PKD1L3: variants seen among roughly 807,000 people sequenced by gnomAD.
PKD1L3 encodes the protein polycystin-1-like protein 3.
PKD1L3 carries 239 observed loss-of-function variants against 184.1 expected under a neutral mutation model. The ratio of observed to expected loss-of-function variants is 1.30; its 90% confidence interval spans 1.17 to 1.45. PKD1L3 has a LOEUF of 1.45. PKD1L3 is among the 40% of genes most tolerant of loss of function. The probability of loss-of-function intolerance (pLI) is 0.00; values close to 1 mark genes in which losing one functional copy is unlikely to be tolerated. For synonymous variants in PKD1L3, 996 were observed against 778.8 expected (o/e 1.28, Z -4.64); for missense variants, 2,660 against 2,067.2 (o/e 1.29, Z -5.56).
rs1028428165 is a variant in PKD1L3, at chr16:71,984,156, C to A, written c.846G>T (p.Glu282Asp). The change falls in exon 6 of 30, where the codon GAG becomes GAT. Residue 282 changes from glutamate to aspartate, a missense_variant. Transcript: ENST00000620267. ...LQKASGQVID[E>D]IAGNFSRAVH... is the part of the protein sequence containing the mutation. ...CTGCTCTGCTGAAGTTCCCTGCTAT[C>A]TCATCTATGACCTATTGGGAACAAA... The A allele has an allele frequency of 8.4e-6, 13 of 1,551,348 alleles. No homozygotes were observed. The highest frequency in any genetic ancestry group is 6.8e-5 in the African/African-American group (5 of 73,032).
Position 71,935,791 on chromosome 16 carries a change from C to G in PKD1L3, c.4453-273G>C, listed in dbSNP as rs2038153729. ...AACTGTCACTTAAAAATCAATAATA[C>G]AAAAGTTTCTTTCTTTGAGACAGGG... On this transcript the variant is annotated intron_variant, in intron 25 of 29. Coordinates refer to ENST00000620267, the MANE Select transcript of PKD1L3 (RefSeq NM_181536.2). Among the ~76,000 whole-genome samples, 2 of 152,120 alleles carry G rather than the reference C, an allele frequency of 1.3e-5. 1 individual carries two copies. The highest frequency in any genetic ancestry group is 4.1e-4 in the South Asian group (2 of 4,828).
chr16:71,944,705 GTT>G (rs57890181), intron 22 of PKD1L3, among the ~76,000 whole-genome samples: 1 of 142,702 alleles, frequency 7.0e-6, no homozygotes, highest in Non-Finnish European at 1.5e-5. Context: ...TTTTTTGTTT[GTT>G]TTTTTTTTTT....
Position 71,935,374 on chromosome 16 carries a change from G to A in PKD1L3, c.4597C>T (p.Arg1533Cys), listed in dbSNP as rs184152519. The A allele has an allele frequency of 2.5e-4, 394 of 1,551,556 alleles. 2 individuals are homozygous for A. Among genetic ancestry groups the A allele is most frequent in the South Asian group, 5.4e-4 (45 of 84,006 alleles). Residue 1533 changes from arginine (R) to cysteine (C), a missense_variant, in exon 26 of 30, where the codon CGC becomes TGC. Arg to Cys is a radical substitution (Grantham distance 180). Transcript: ENST00000620267. Reference sequence around the variant, plus strand: ...TCCTCTCACCTGTCCTGGTCATCGCGGTATCGTGCCATGTTTTTCTTATGT... The same window carrying A: ...TCCTCTCACCTGTCCTGGTCATCGCAGTATCGTGCCATGTTTTTCTTATGT... ...SLHKKNMARY[R>C]DDQDRFISFY...
intron 22 of PKD1L3, among the ~76,000 whole-genome samples, chr16:71,944,555 T>C (rs374399476): frequency 6.6e-6 from 1 of 152,130 alleles, no homozygotes; most frequent in Non-Finnish European, 1.5e-5. Flanking sequence ...TAGTGGCTCA[T>C]GCCTGTGGTC....
At chr16:71,933,346 T>G in intron 28 of PKD1L3, 74 bp downstream of exon 28, 1 of 1,162,640 alleles carries the variant, frequency 8.6e-7, no homozygotes, top group Non-Finnish European at 1.3e-6. Context: ...TAGGGGGCTG[T>G]TTTCATAAGG....
At chr16:71,991,870 T>G (rs1012640262) in intron 3 of PKD1L3, among the ~76,000 whole-genome samples, 4 of 152,134 alleles carry the variant, frequency 2.6e-5, no homozygotes, top group Admixed American at 2.6e-4. Context: ...ATGCCTGGAG[T>G]GCGGTATGGC....
At chr16:71,932,037 C>T in intron 28 of PKD1L3, among the ~76,000 whole-genome samples, 1 of 152,146 alleles carries the variant, frequency 6.6e-6, no homozygotes, top group East Asian at 1.9e-4. Flanking sequence ...TGCTACCATG[C>T]CTGACTCTTC....
At chr16:71,961,200 C>T (rs1304251138) in intron 16 of PKD1L3, among the ~76,000 whole-genome samples, 1 of 152,086 alleles carries the variant, frequency 6.6e-6, no homozygotes, top group African/African-American at 2.4e-5. Flanking sequence ...GATCTCAGCT[C>T]ACTGCAGCCT....
intron 19 of PKD1L3, among the ~76,000 whole-genome samples, chr16:71,951,082 C>T (rs2038813272): frequency 6.6e-6 from 1 of 151,500 alleles, no homozygotes; most frequent in Non-Finnish European, 1.5e-5. Flanking sequence ...CTATGTTGCC[C>T]AAGCTGGAGT....
At chr16:71,939,602 A>G (rs1202337758) in intron 24 of PKD1L3, among the ~76,000 whole-genome samples, 1 of 152,208 alleles carries the variant, frequency 6.6e-6, no homozygotes, top group Non-Finnish European at 1.5e-5. Flanking sequence ...GTTAGTAACT[A>G]AAAACCCCAT....
chr16:71,986,918 T>G (rs1443949551), intron 4 of PKD1L3, among the ~76,000 whole-genome samples: 35 of 52,574 alleles, frequency 6.7e-4, no homozygotes, highest in Middle Eastern at 0.011. Context: ...GAGAGGATTT[T>G]TTTTTTTTTT....
chr16:71,996,623 C>A (rs548673515), intron 2 of PKD1L3, among the ~76,000 whole-genome samples: 2 of 152,282 alleles, frequency 1.3e-5, no homozygotes, highest in Admixed American at 6.5e-5. Flanking sequence ...TAGACCCCGA[C>A]AACCACTAAT....
chr16:71,961,738 C>G (rs905063587), intron 16 of PKD1L3, among the ~76,000 whole-genome samples: 1 of 152,164 alleles, frequency 6.6e-6, no homozygotes, highest in Non-Finnish European at 1.5e-5. Context: ...CATGGCCTCA[C>G]TGAATTTCTG....
In PKD1L3 at chr16:71,982,151, C is replaced by T. The variant is rs998489876; in HGVS notation, c.1051G>A (p.Val351Ile). The T allele has an allele frequency of 1.9e-6, 3 of 1,551,702 alleles. No individual in the cohort carries two copies. Among genetic ancestry groups the T allele is most frequent in the African/African-American group, 2.7e-5 (2 of 73,096 alleles). Residue 351 changes from valine to isoleucine, a missense_variant, in exon 7 of 30, where the codon GTT becomes ATT. By Grantham distance (29) the Val-to-Ile change is conservative. Coordinates refer to ENST00000620267, the MANE Select transcript of PKD1L3 (RefSeq NM_181536.2). ...TGAAAGGGGCAGACAGTTGGAGGAA[C>T]TTTGAAGCCCAGACTGTTGTTGTTC... ...FQNNNSLGFK[V>I]PPTVCPFHSL...
At chr16:71,968,400 AT>A (rs751732939) in intron 13 of PKD1L3, among the ~76,000 whole-genome samples, 1 of 152,160 alleles carries the variant, frequency 6.6e-6, no homozygotes. Flanking sequence ...TAAAATGCAA[AT>A]TTAACTAGGT....
At position 71,969,868 on chromosome 16, in the gene PKD1L3, T is replaced by A; in HGVS notation, c.2184+7A>T. 1 of 1,540,874 alleles carries A rather than the reference T, an allele frequency of 6.5e-7. No individual in the cohort carries two copies. Among genetic ancestry groups the A allele is most frequent in the Non-Finnish European group, 8.8e-7 (1 of 1,138,446 alleles). ...TGGCAAATCTGTTGAAATCAAAGTC[T>A]CATTACCTTCTGCATATCTGCTTGA... On this transcript the variant is annotated splice_region_variant and intron_variant, in intron 13 of 29. Coordinates refer to ENST00000620267, the MANE Select transcript of PKD1L3 (RefSeq NM_181536.2).
At position 71,980,028 on chromosome 16, in the gene PKD1L3, T is replaced by C. The variant is rs557582660; in HGVS notation, c.1250A>G (p.Asn417Ser). ...TAACCTGCTCAGCAGCAGAGTAGCA[T>C]TGGCAGAGGTCAAAGTCACTGAAGA... Reference protein sequence around the residue: ...PESSVTLTSANATLLLSRQNI... With the variant: ...PESSVTLTSASATLLLSRQNI... Residue 417 changes from asparagine (N) to serine (S), a missense_variant, in exon 8 of 30, where the codon AAT (asparagine) becomes AGT (serine). Coordinates refer to ENST00000620267, the MANE Select transcript of PKD1L3 (RefSeq NM_181536.2). The C allele has an allele frequency of 8.4e-6, 13 of 1,552,096 alleles. No individual in the cohort carries two copies. The highest frequency in any genetic ancestry group is 1.2e-5 in the South Asian group (1 of 84,058).
At chr16:71,957,552 C>A (rs1013505586) in intron 16 of PKD1L3, among the ~76,000 whole-genome samples, 2 of 152,086 alleles carry the variant, frequency 1.3e-5, no homozygotes, top group African/African-American at 4.8e-5. Context: ...AATCCCAGCA[C>A]TTTGGGAGGA....
chr16:71,978,666 A>G (rs1318063316), intron 9 of PKD1L3, among the ~76,000 whole-genome samples: 4 of 151,534 alleles, frequency 2.6e-5, no homozygotes, highest in Admixed American at 2.0e-4. Flanking sequence ...CAGCCTCCCA[A>G]GTAGCTGGGA....
Sources: gnomAD v4.1 joint callset for allele counts (sites outside exome capture counted in the v4.1 genomes callset) on GRCh38, gnomAD v4.1.1 for gene constraint, MANE v1.5 for transcripts, NCBI Gene and HGNC (gene_info 2026-07-23, HGNC 2026-07-21) for gene names.